PRR11: variants seen among roughly 807,000 people sequenced by gnomAD.
The protein encoded by PRR11 is proline rich 11.
Under a neutral mutation model 45.6 loss-of-function variants are expected in PRR11, and 30 were observed. That is an observed-to-expected ratio of 0.66 (90% CI 0.49 to 0.89). The LOEUF (loss-of-function observed/expected upper bound fraction) is 0.89, where lower values mean the gene tolerates loss of function less well. PRR11 is among the 40% of genes least tolerant of loss of function. The pLI, the probability that PRR11 is intolerant of heterozygous loss-of-function variation, is 0.00. For missense variants in PRR11, 373 were observed against 424.8 expected, an observed-to-expected ratio of 0.88 and a Z score of 1.07; for synonymous variants, 128 against 153.5, an observed-to-expected ratio of 0.83 and a Z score of 1.23.
At chr17:59,182,886 C>T (rs753986980) in intron 2 of PRR11, among the ~76,000 whole-genome samples, 1 of 152,128 alleles carries the variant, frequency 6.6e-6, no homozygotes, top group Admixed American at 6.6e-5. Flanking sequence ...TCCCAACCCA[C>T]GGAACCTAGT....
At chr17:59,157,346 T>TACAC (rs559875449) in intron 1 of PRR11, among the ~76,000 whole-genome samples, 22 of 152,268 alleles carry the variant, frequency 1.4e-4, no homozygotes, top group African/African-American at 5.3e-4. Context: ...ATACATTTTA[T>TACAC]AATAAAGATG....
intron 2 of PRR11, among the ~76,000 whole-genome samples, chr17:59,176,120 G>A (rs922149227): frequency 5.3e-5 from 8 of 152,112 alleles, no homozygotes; most frequent in Admixed American, 5.2e-4. Flanking sequence ...TTAAGGAATG[G>A]GTCCTTCCCT....
chr17:59,167,163 C>CTAAA (rs936480589), intron 1 of PRR11, among the ~76,000 whole-genome samples: 3 of 151,954 alleles, frequency 2.0e-5, no homozygotes, highest in Non-Finnish European at 4.4e-5. Flanking sequence ...GACTCTGTCT[C>CTAAA]TAAATAAATA....
At chr17:59,169,128 C>G (rs925799639) in intron 1 of PRR11, among the ~76,000 whole-genome samples, 2 of 84,744 alleles carry the variant, frequency 2.4e-5, no homozygotes, top group South Asian at 6.8e-4. Context: ...GCGGAGTTTT[C>G]GCTCTTGTTG....
intron 4 of PRR11, among the ~76,000 whole-genome samples, chr17:59,186,226 A>AG (rs2046813155): frequency 6.6e-6 from 1 of 150,788 alleles, no homozygotes; most frequent in South Asian, 2.1e-4. Context: ...AGCCTCCCTT[A>AG]GTAGCTGGGA....
At chr17:59,169,245 T>G (rs565806696) in intron 1 of PRR11, among the ~76,000 whole-genome samples, 1 of 151,924 alleles carries the variant, frequency 6.6e-6, no homozygotes, top group South Asian at 2.1e-4. Context: ...ATTACAGACA[T>G]GCACCACCAT....
rs1270191459 is a variant in PRR11 at position 59,202,487 on chromosome 17, G to C, written c.*856G>C. 6.6e-6 allele frequency: 1 copy of C among 152,056 alleles called. No homozygotes were observed. The highest frequency in any genetic ancestry group is 1.9e-4 in the East Asian group (1 of 5,192). 9.4% of individuals were successfully genotyped at this position (152,056 alleles called of 1,614,324 possible). A position where few individuals can be genotyped will look rare whatever the true frequency, so the allele number is the denominator to read the frequency against. ...AAGCTGAGAAGGGAGGATCACTTGA[G>C]GCTGTAGTGCACTATAATTATGCCT... On this transcript the variant is annotated 3_prime_UTR_variant, in exon 10 of 10. Coordinates refer to ENST00000262293, the MANE Select transcript of PRR11 (RefSeq NM_018304.4).
At chr17:59,167,855 C>T (rs1228908497) in intron 1 of PRR11, among the ~76,000 whole-genome samples, 1 of 152,196 alleles carries the variant, frequency 6.6e-6, no homozygotes, top group Admixed American at 6.5e-5. Context: ...GTTTTGGCCA[C>T]GTTCTTTACT....
intron 4 of PRR11, among the ~76,000 whole-genome samples, chr17:59,190,428 C>T (rs141969466): frequency 2.2e-4 from 34 of 151,660 alleles, no homozygotes; most frequent in African/African-American, 7.0e-4. Context: ...GCCAAGATCA[C>T]GCCACTGCAC....
intron 2 of PRR11, chr17:59,179,875 A>T: frequency 7.5e-7 from 1 of 1,341,564 alleles, no homozygotes; most frequent in South Asian, 1.2e-5. Context: ...GATCTACCCC[A>T]GGGGCTGAGT....
At chr17:59,191,474 C>T (rs1044580556) in intron 4 of PRR11, among the ~76,000 whole-genome samples, 25 of 152,112 alleles carry the variant, frequency 1.6e-4, no homozygotes, top group African/African-American at 6.0e-4. Context: ...CTGCCTCAGC[C>T]TCCCAAGGTG....
Position 59,204,528 on chromosome 17 carries a change from C to A in PRR11, c.*2897C>A, listed in dbSNP as rs1415429044. ...ACCAGCCTGGCCAACATGGTGAAACCCCGTCTCTACCAAAAATAAAAATAA... is the reference window on the plus strand; with the variant it reads ...ACCAGCCTGGCCAACATGGTGAAACACCGTCTCTACCAAAAATAAAAATAA... On this transcript the variant is annotated 3_prime_UTR_variant, in exon 10 of 10. Transcript: ENST00000262293. 6.6e-6 allele frequency: 1 copy of A among 151,232 alleles called. No individual in the cohort carries two copies. The highest frequency in any genetic ancestry group is 2.4e-5 in the African/African-American group (1 of 41,102). 9.4% of individuals were successfully genotyped at this position (151,232 alleles called of 1,614,324 possible). A position where few individuals can be genotyped will look rare whatever the true frequency, so the allele number is the denominator to read the frequency against.
At chr17:59,190,558 T>A (rs2046836218) in intron 4 of PRR11, among the ~76,000 whole-genome samples, 1 of 151,858 alleles carries the variant, frequency 6.6e-6, no homozygotes, top group African/African-American at 2.4e-5. Flanking sequence ...GAAGGCTGTA[T>A]CAGTCAAAAT....
chr17:59,179,191 G>A (rs543671662), intron 2 of PRR11, among the ~76,000 whole-genome samples: 100 of 152,274 alleles, frequency 6.6e-4, no homozygotes, highest in Non-Finnish European at 1.2e-3. Flanking sequence ...GTAGAGATCA[G>A]ATTTTACTAT....
chr17:59,195,259 C>T (rs900598396), intron 6 of PRR11, 72 bp from the exon 7 acceptor site: 17 of 1,183,086 alleles, frequency 1.4e-5, no homozygotes, highest in African/African-American at 1.2e-4. Flanking sequence ...AGATATTTGC[C>T]GTTTTTGCAT....
chr17:59,174,598 G>T, intron 2 of PRR11, among the ~76,000 whole-genome samples: 1 of 152,126 alleles, frequency 6.6e-6, no homozygotes, highest in South Asian at 2.1e-4. Flanking sequence ...ACATCACCTG[G>T]CTAATTTTTG....
chr17:59,161,480 T>C (rs1223433442), intron 1 of PRR11, among the ~76,000 whole-genome samples: 1 of 149,262 alleles, frequency 6.7e-6, no homozygotes, highest in Non-Finnish European at 1.5e-5. Context: ...CCGAGTACAG[T>C]GGCTCACACC....
intron 1 of PRR11, among the ~76,000 whole-genome samples, chr17:59,162,249 C>CACAGAG (rs993569080): frequency 5.2e-5 from 7 of 135,104 alleles, no homozygotes; most frequent in African/African-American, 2.2e-4. Context: ...CACACACACA[C>CACAGAG]AGAGAGAGAG....
chr17:59,157,441 C>A (rs535090148), intron 1 of PRR11, among the ~76,000 whole-genome samples: 1 of 152,322 alleles, frequency 6.6e-6, no homozygotes, highest in Non-Finnish European at 1.5e-5. Flanking sequence ...GTGCCTCACA[C>A]CTGTAATCCC....
Sources: gnomAD v4.1 joint callset for allele counts (sites outside exome capture counted in the v4.1 genomes callset) on GRCh38, gnomAD v4.1.1 for gene constraint, MANE v1.5 for transcripts, NCBI Gene and HGNC (gene_info 2026-07-23, HGNC 2026-07-21) for gene names.